Variants in INSR observed in about 807,000 individuals in gnomAD.
INSR encodes the protein IR.
In INSR, 67 loss-of-function variants were observed where a neutral mutation model predicts 142.6. That is an observed-to-expected ratio of 0.47 (90% CI 0.39 to 0.58). The LOEUF (loss-of-function observed/expected upper bound fraction) is 0.58, where lower values mean the gene tolerates loss of function less well. Ranked by LOEUF, INSR falls within the 20% of genes least tolerant of loss-of-function variation. INSR has a pLI of 0.00. For synonymous variants in INSR, 756 were observed against 743.1 expected, an observed-to-expected ratio of 1.02 and a Z score of -0.28; for missense variants, 1,248 against 1,833.2, an observed-to-expected ratio of 0.68 and a Z score of 5.83.
chr19:7,156,431 C>A (rs1162128983), intron 9 of INSR, among the ~76,000 whole-genome samples: 1 of 151,988 alleles, frequency 6.6e-6, no homozygotes, highest in African/African-American at 2.4e-5. Context: ...GGTTCTCACC[C>A]AGGGGGTGAT....
intron 3 of INSR, among the ~76,000 whole-genome samples, chr19:7,174,954 TG>T (rs1974104103): frequency 6.6e-6 from 1 of 152,126 alleles, no homozygotes; most frequent in African/African-American, 2.4e-5. Flanking sequence ...GAGATTCTCC[TG>T]CCTCAGCCTC....
At chr19:7,277,421 T>C (rs1465048036) in intron 1 of INSR, among the ~76,000 whole-genome samples, 1 of 151,986 alleles carries the variant, frequency 6.6e-6, no homozygotes, top group African/African-American at 2.4e-5. Context: ...GTTGCACTCT[T>C]ACAGCAAGTA....
intron 4 of INSR, 32 bp from the exon 5 acceptor site, chr19:7,172,466 C>T (rs1391993176): frequency 1.9e-6 from 3 of 1,609,376 alleles, no homozygotes; most frequent in Non-Finnish European, 2.5e-6. Flanking sequence ...CAGTGGGTTT[C>T]TATAGACATA....
chr19:7,155,540 CAA>C (rs57822054), intron 9 of INSR, among the ~76,000 whole-genome samples: 4 of 103,046 alleles, frequency 3.9e-5, no homozygotes, highest in African/African-American at 4.2e-5. Flanking sequence ...TTCCATCTCT[CAA>C]AAAAAAAAAA....
Position 7,122,896 on chromosome 19 carries a change from G to T in INSR, c.3352C>A (p.Leu1118Met). Residue 1118 changes from leucine to methionine, a missense_variant, in exon 18 of 22, where the codon CTG becomes ATG. Physicochemically the swap from Leu to Met is conservative, Grantham distance 15. Coordinates refer to ENST00000302850, the MANE Select transcript of INSR (RefSeq NM_000208.4). Reference sequence around the variant, plus strand: ...CAGCTTACCTCAGCCTCTGGCCGCAGAGAACGGAGGTAGCTCTTCAGGTCT... The same window carrying T: ...CAGCTTACCTCAGCCTCTGGCCGCATAGAACGGAGGTAGCTCTTCAGGTCT... ...HGDLKSYLRS[L>M]RPEAENNPGR... The T allele has an allele frequency of 6.2e-7, 1 of 1,608,752 alleles. No individual in the cohort carries two copies. The highest frequency in any genetic ancestry group is 2.2e-5 in the East Asian group (1 of 44,680).
In INSR at chr19:7,151,149, C is replaced by CCTTT. The variant is rs1236384776; in HGVS notation, c.2232-621_2232-618dup. Among the ~76,000 whole-genome samples, 26 of 138,172 alleles carry CCTTT rather than the reference C, an allele frequency of 1.9e-4. 1 individual carries two copies. Among genetic ancestry groups the CCTTT allele is most frequent in the African/African-American group, 7.3e-4 (26 of 35,846 alleles). 90.6% of individuals were successfully genotyped at this position (138,172 alleles called of 152,430 possible). On this transcript the variant is annotated intron_variant, in intron 10 of 21. Coordinates refer to ENST00000302850, the MANE Select transcript of INSR (RefSeq NM_000208.4). ...TTCTCTGTCCTTTCTTTCTCTCTTT[C>CCTTT]CTTTCTTTCTTTCTCTTTCTTTCTT... is the stretch of plus-strand genomic sequence containing the variant.
intron 8 of INSR, among the ~76,000 whole-genome samples, chr19:7,164,092 TAA>T (rs4031077): frequency 0.068 from 5,410 of 80,104 alleles, 151 homozygotes; most frequent in Non-Finnish European, 0.097. Context: ...GAAACTCCGT[TAA>T]AAAAAAAAAA....
At chr19:7,185,232 T>C (rs1359806388) in intron 2 of INSR, among the ~76,000 whole-genome samples, 4 of 151,954 alleles carry the variant, frequency 2.6e-5, no homozygotes, top group African/African-American at 9.6e-5. Context: ...ATGTAATTTT[T>C]ATGAATATCT....
intron 20 of INSR, 146 bp downstream of exon 20, chr19:7,120,474 G>T: frequency 1.1e-6 from 1 of 881,620 alleles, no homozygotes; most frequent in Non-Finnish European, 1.8e-6. Flanking sequence ...AAGAGTAGCC[G>T]TGGGAAGATC....
intron 9 of INSR, among the ~76,000 whole-genome samples, chr19:7,156,874 T>C (rs941683669): frequency 2.0e-5 from 3 of 148,412 alleles, no homozygotes; most frequent in African/African-American, 7.4e-5. Context: ...CTGCAACCTC[T>C]GCCTCCTGGG....
chr19:7,274,361 C>G (rs1968003741), intron 1 of INSR, among the ~76,000 whole-genome samples: 1 of 151,868 alleles, frequency 6.6e-6, no homozygotes, highest in African/African-American at 2.4e-5. Context: ...CAGCTCCTAA[C>G]AGGACATGGA....
chr19:7,156,849 C>T (rs113673233), intron 9 of INSR, among the ~76,000 whole-genome samples: 33,593 of 138,050 alleles, frequency 0.24, 4,022 homozygotes, highest in South Asian at 0.39. Context: ...AGTGCAGTGG[C>T]GCAATCTTGG....
intron 1 of INSR, among the ~76,000 whole-genome samples, chr19:7,287,755 C>G (rs146802448): frequency 2.0e-5 from 3 of 152,246 alleles, no homozygotes; most frequent in Non-Finnish European, 4.4e-5. Flanking sequence ...TCACTTCATT[C>G]GAGTTGTACC....
At chr19:7,221,725 G>A (rs1312341685) in intron 2 of INSR, among the ~76,000 whole-genome samples, 1 of 151,366 alleles carries the variant, frequency 6.6e-6, no homozygotes, top group Non-Finnish European at 1.5e-5. Context: ...AAAAAAAAGA[G>A]ATCCCTCCTT....
intron 2 of INSR, among the ~76,000 whole-genome samples, chr19:7,245,045 C>A (rs1976497656): frequency 6.7e-6 from 1 of 150,146 alleles, no homozygotes; most frequent in Admixed American, 6.7e-5. Flanking sequence ...ACGCCATTCT[C>A]CTGCCTCAGC....
chr19:7,150,383 CT>C lies in INSR; in HGVS notation c.2267+113del, dbSNP rs1973305967. 1 of 883,074 alleles carries C rather than the reference CT, an allele frequency of 1.1e-6. No homozygotes were observed. Among genetic ancestry groups the C allele is most frequent in the Non-Finnish European group, 1.9e-6 (1 of 538,614 alleles). 54.7% of individuals were successfully genotyped at this position (883,074 alleles called of 1,614,324 possible). ...GTGAAGCATCTGCTCTCCAGCACAG[CT>C]GCCCGCCGCATGCAAAAAGCCACAG... is the stretch of plus-strand genomic sequence containing the variant. On this transcript the variant is annotated intron_variant, in intron 11 of 21. Transcript: ENST00000302850. This position sits in a 1 kb window ranked among gnomAD's most constrained non-coding sequence, Gnocchi z 4.2.
intron 2 of INSR, among the ~76,000 whole-genome samples, chr19:7,202,414 G>A (rs1974986544): frequency 6.6e-6 from 1 of 151,976 alleles, no homozygotes; most frequent in Non-Finnish European, 1.5e-5. Flanking sequence ...TCACATCATT[G>A]TCATCTTCAA....
intron 2 of INSR, among the ~76,000 whole-genome samples, chr19:7,186,058 T>C (rs146277904): frequency 2.7e-3 from 413 of 151,556 alleles, no homozygotes; most frequent in African/African-American, 9.5e-3. Flanking sequence ...TAGCCGGGTG[T>C]GGTGGTGGGC....
intron 10 of INSR, among the ~76,000 whole-genome samples, chr19:7,151,665 G>A (rs933757541): frequency 2.0e-5 from 3 of 150,442 alleles, no homozygotes; most frequent in Non-Finnish European, 2.9e-5. Context: ...TGGACTCAGG[G>A]TCATAGGGGA....
Sources: gnomAD v4.1 joint callset for allele counts (sites outside exome capture counted in the v4.1 genomes callset) on GRCh38, gnomAD v4.1.1 for gene constraint, Gnocchi (gnomAD v3.1) non-coding constraint, MANE v1.5 for transcripts, NCBI Gene and HGNC (gene_info 2026-07-23, HGNC 2026-07-21) for gene names.